Variants in PDE8B observed in about 807,000 individuals in gnomAD.
PDE8B encodes the protein high affinity cAMP-specific and IBMX-insensitive 3',5'-cyclic phosphodiesterase 8B.
PDE8B carries 26 observed loss-of-function variants against 101.3 expected under a neutral mutation model. That is an observed-to-expected ratio of 0.26 (90% CI 0.19 to 0.36). The LOEUF (loss-of-function observed/expected upper bound fraction) is 0.36, where lower values mean the gene tolerates loss of function less well. Ranked by LOEUF, PDE8B falls within the 10% of genes least tolerant of loss-of-function variation. The probability of loss-of-function intolerance (pLI) is 1.00; values close to 1 mark genes in which losing one functional copy is unlikely to be tolerated. For missense variants in PDE8B, 810 were observed against 1,163.1 expected, an observed-to-expected ratio of 0.70 and a Z score of 4.42; for synonymous variants, 424 against 429.3, an observed-to-expected ratio of 0.99 and a Z score of 0.15.
At chr5:77,126,194 A>G in the PDE8B span, among the ~76,000 whole-genome samples, 6 of 152,140 alleles carry the variant, frequency 3.9e-5, no homozygotes, top group South Asian at 4.2e-4. Context: ...GCTGAGGCAG[A>G]AGAATAGCTT....
intron 1 of PDE8B, among the ~76,000 whole-genome samples, chr5:77,302,488 T>C (rs1770192601): frequency 6.6e-6 from 1 of 152,178 alleles, no homozygotes; most frequent in Non-Finnish European, 1.5e-5. Context: ...CTGACCTCAC[T>C]GTCTGGGTGG....
chr5:77,225,141 C>G (rs1214838098), intron 1 of PDE8B, among the ~76,000 whole-genome samples: 1 of 152,166 alleles, frequency 6.6e-6, no homozygotes, highest in East Asian at 1.9e-4. Context: ...TTCTGGAATG[C>G]ATCTATAAAG....
intron 1 of PDE8B, among the ~76,000 whole-genome samples, chr5:77,247,769 G>T (rs1443804176): frequency 1.3e-5 from 2 of 152,094 alleles, no homozygotes; most frequent in African/African-American, 4.8e-5. Flanking sequence ...GTAGAGATTT[G>T]GTTTCCCTCA....
At chr5:77,421,444 T>C (rs559630261) in intron 19 of PDE8B, among the ~76,000 whole-genome samples, 1 of 152,310 alleles carries the variant, frequency 6.6e-6, no homozygotes, top group Admixed American at 6.5e-5. Context: ...TTTACACATT[T>C]TTTTAAAAAA....
At chr5:77,378,078 C>T (rs1437284535) in intron 10 of PDE8B, among the ~76,000 whole-genome samples, 1 of 150,060 alleles carries the variant, frequency 6.7e-6, no homozygotes, top group African/African-American at 2.5e-5. Context: ...CTAGAGAATG[C>T]TAATATAGCA....
chr5:77,232,937 G>C (rs1479815724), intron 1 of PDE8B, among the ~76,000 whole-genome samples: 1 of 152,212 alleles, frequency 6.6e-6, no homozygotes, highest in African/African-American at 2.4e-5. Context: ...ACTGCTGTAA[G>C]TAGCGAATCC....
chr5:77,276,429 C>T (rs1410808015), intron 1 of PDE8B, among the ~76,000 whole-genome samples: 1 of 152,232 alleles, frequency 6.6e-6, no homozygotes, highest in Non-Finnish European at 1.5e-5. Flanking sequence ...GATTTATTTT[C>T]TTCATGCCAC....
intron 1 of PDE8B, among the ~76,000 whole-genome samples, chr5:77,243,499 T>C (rs1756207768): frequency 6.6e-6 from 1 of 152,206 alleles, no homozygotes. Flanking sequence ...AGCACCTGTT[T>C]ACAGTTGAGC....
At chr5:77,410,054 C>A (rs1035911692) in intron 14 of PDE8B, among the ~76,000 whole-genome samples, 2 of 152,246 alleles carry the variant, frequency 1.3e-5, no homozygotes, top group Non-Finnish European at 2.9e-5. Flanking sequence ...ATGTTCCCTC[C>A]CTCCCCTGCT....
chr5:77,340,600 AGTGTGTGTGTGTGTGT>A (rs34764404), intron 6 of PDE8B, among the ~76,000 whole-genome samples: 7 of 140,170 alleles, frequency 5.0e-5, no homozygotes, highest in Admixed American at 1.4e-4. Flanking sequence ...GCAGCCTCAC[AGTGTGTGTGTGTGTGT>A]GTGTGTGTGT....
At chr5:77,193,933 A>T in the PDE8B span, among the ~76,000 whole-genome samples, 13 of 152,100 alleles carry the variant, frequency 8.5e-5, no homozygotes, top group African/African-American at 2.9e-4. Context: ...TCAATTTCCA[A>T]TGGTTCATTG....
intron 1 of PDE8B, among the ~76,000 whole-genome samples, chr5:77,241,432 T>G (rs544098288): frequency 6.6e-6 from 1 of 152,262 alleles, no homozygotes; most frequent in South Asian, 2.1e-4. Context: ...GCATAATCAT[T>G]TTACTTATGG....
At chr5:77,411,639 T>TA in intron 14 of PDE8B, 37 bp from the exon 15 acceptor site, 1 of 1,533,920 alleles carries the variant, frequency 6.5e-7, no homozygotes, top group South Asian at 1.1e-5. Flanking sequence ...ATAATAGATA[T>TA]AAAGCATGCT....
intron 16 of PDE8B, among the ~76,000 whole-genome samples, chr5:77,412,739 C>A (rs1794807368): frequency 7.1e-6 from 1 of 140,080 alleles, no homozygotes; most frequent in Non-Finnish European, 1.5e-5. Flanking sequence ...ACCATCCAAG[C>A]TGTTTTTTTT....
chr5:77,211,417 A>G lies in PDE8B; in HGVS notation c.339+153A>G, dbSNP rs994673272. The stretch of plus-strand genomic sequence containing the variant: ...AGGAGTTTACTTTTCATTTGTGGAG[A>G]TGATGGGAGCCCAGGAAATGTGGTC... On this transcript the variant is annotated intron_variant, in intron 1 of 21. Transcript: ENST00000264917. The surrounding 1 kb of genome is among the most constrained non-coding windows in gnomAD (Gnocchi z 4.1). 3.3e-5 allele frequency among the ~76,000 whole-genome samples: 5 copies of G among 152,084 alleles called. No homozygotes were observed. The highest frequency in any genetic ancestry group is 6.5e-5 in the Admixed American group (1 of 15,280).
At chr5:77,272,436 T>C (rs1376238652) in intron 1 of PDE8B, among the ~76,000 whole-genome samples, 1 of 152,222 alleles carries the variant, frequency 6.6e-6, no homozygotes, top group Non-Finnish European at 1.5e-5. Context: ...CTCGAACATG[T>C]CCTGTTATTT....
At chr5:77,355,518 A>G (rs1781929979) in intron 10 of PDE8B, among the ~76,000 whole-genome samples, 1 of 152,164 alleles carries the variant, frequency 6.6e-6, no homozygotes. Flanking sequence ...TTGCATTTTA[A>G]CAAGGTGTGA....
chr5:77,156,730 G>A, the PDE8B span, among the ~76,000 whole-genome samples: 1 of 152,218 alleles, frequency 6.6e-6, no homozygotes, highest in South Asian at 2.1e-4. Flanking sequence ...GGGGAGGCAG[G>A]AAAGGAAGGA....
the PDE8B span, among the ~76,000 whole-genome samples, chr5:77,127,525 T>C: frequency 2.0e-5 from 3 of 152,254 alleles, no homozygotes; most frequent in Non-Finnish European, 2.9e-5. Flanking sequence ...TTTATAGCAG[T>C]GTGAGAACAG....
Sources: allele counts gnomAD v4.1 joint callset (sites outside exome capture counted in the v4.1 genomes callset), GRCh38; gene constraint gnomAD v4.1.1; non-coding constraint Gnocchi (gnomAD v3.1); transcripts MANE v1.5; gene names NCBI Gene and HGNC (gene_info 2026-07-23, HGNC 2026-07-21).